The following SYNE2 variants were observed in gnomAD, a reference collection of about 807,000 sequenced individuals.
SYNE2 encodes the protein spectrin repeat containing nuclear envelope protein 2, also known as nesprin-2.
Under a neutral mutation model 856.3 loss-of-function variants are expected in SYNE2, and 431 were observed. That is an observed-to-expected ratio of 0.50 (90% confidence interval 0.47 to 0.55). The LOEUF is 0.55. Among genes scored for constraint, SYNE2 ranks in the 20% least tolerant of loss-of-function variants. The pLI, the probability that SYNE2 is intolerant of heterozygous loss-of-function variation, is 0.00. For synonymous variants in SYNE2, 2,923 were observed against 2,872.3 expected, an observed-to-expected ratio of 1.02 and a Z score of -0.56; for missense variants, 8,129 against 8,023.2, an observed-to-expected ratio of 1.01 and a Z score of -0.50.
intron 1 of SYNE2, among the ~76,000 whole-genome samples, chr14:63,798,446 T>G (rs1371159373): frequency 6.6e-6 from 1 of 150,810 alleles, no homozygotes; most frequent in African/African-American, 2.4e-5. Flanking sequence ...CAGGCTGGAA[T>G]GCAGTGGTAT....
At chr14:64,174,046 T>A (rs2153730407) in intron 94 of SYNE2, 11 of 580,608 alleles carry the variant, frequency 1.9e-5, no homozygotes, top group South Asian at 6.3e-5. Flanking sequence ...AAAATAAAAA[T>A]AAACAAGACC....
At position 63,998,989 on chromosome 14, in the gene SYNE2, T is replaced by C. The variant is rs752244351; in HGVS notation, c.3429T>C (p.Ser1143=). ...TCAGGATTACTTCTGATTTCTCTAG[T>C]GAAGAGGACAGGAGTAGTTCTTGTC... ...NKFRITSDFS[S]EEDRSSSCLQ... The change falls in exon 27 of 116, where the codon AGT becomes AGC. Residue 1143 remains serine (S), a synonymous_variant. Coordinates refer to ENST00000555002, the MANE Select transcript of SYNE2 (RefSeq NM_182914.3). 5.5e-5 allele frequency: 89 copies of C among 1,613,976 alleles called. No individual in the cohort carries two copies. Among genetic ancestry groups the C allele is most frequent in the Non-Finnish European group, 7.3e-5 (86 of 1,179,936 alleles).
At chr14:64,008,610 G>A (rs1369522030) in intron 31 of SYNE2, among the ~76,000 whole-genome samples, 1 of 152,132 alleles carries the variant, frequency 6.6e-6, no homozygotes, top group African/African-American at 2.4e-5. Context: ...TTGCTTGTGT[G>A]TCCAGTTGTC....
chr14:63,919,255 C>T (rs1403113221), intron 2 of SYNE2, among the ~76,000 whole-genome samples: 2 of 152,080 alleles, frequency 1.3e-5, no homozygotes, highest in Admixed American at 6.5e-5. Context: ...AGTACATCAG[C>T]GTATGGTAAA....
At chr14:63,932,857 G>A (rs1288792269) in intron 2 of SYNE2, among the ~76,000 whole-genome samples, 1 of 152,200 alleles carries the variant, frequency 6.6e-6, no homozygotes, top group Admixed American at 6.5e-5. Context: ...GTAGAGTGGC[G>A]ATGCAGAAAA....
chr14:63,804,587 G>A (rs1327238759), intron 1 of SYNE2, among the ~76,000 whole-genome samples: 2 of 151,982 alleles, frequency 1.3e-5, no homozygotes, highest in South Asian at 2.1e-4. Context: ...TTTGCCTCCC[G>A]GGTGCAAGCA....
At chr14:64,171,770 A>T (rs940837993) in intron 94 of SYNE2, among the ~76,000 whole-genome samples, 1 of 152,206 alleles carries the variant, frequency 6.6e-6, no homozygotes, top group East Asian at 1.9e-4. Flanking sequence ...TGGGTGTGGC[A>T]GCTGGATTAC....
At chr14:63,885,480 G>A (rs1239011395) in intron 1 of SYNE2, among the ~76,000 whole-genome samples, 1 of 152,156 alleles carries the variant, frequency 6.6e-6, no homozygotes, top group Non-Finnish European at 1.5e-5. Context: ...ATTGCCTGTT[G>A]CAGCCTCAAC....
At chr14:64,159,739 A>G (rs991323988) in intron 87 of SYNE2, among the ~76,000 whole-genome samples, 3 of 152,210 alleles carry the variant, frequency 2.0e-5, no homozygotes, top group African/African-American at 7.2e-5. Flanking sequence ...CGGAAACACC[A>G]AAGTCAGAGG....
chr14:63,847,674 C>A (rs1890273787), intron 1 of SYNE2, among the ~76,000 whole-genome samples: 2 of 151,278 alleles, frequency 1.3e-5, no homozygotes, highest in Admixed American at 1.3e-4. Flanking sequence ...CAACCTCTGC[C>A]TCCTGGGTTC....
intron 45 of SYNE2, chr14:64,034,516 C>A: frequency 1.9e-6 from 1 of 515,352 alleles, no homozygotes; most frequent in Non-Finnish European, 3.6e-6. Context: ...AATGTGATGG[C>A]AGTTTCCAAA....
At chr14:63,942,802 TG>T (rs1400967268) in intron 6 of SYNE2, among the ~76,000 whole-genome samples, 2 of 152,056 alleles carry the variant, frequency 1.3e-5, no homozygotes, top group Non-Finnish European at 2.9e-5. Flanking sequence ...GCCTAATTTT[TG>T]TATATTTTGT....
chr14:63,997,936 G>A (rs2096725592), intron 25 of SYNE2, among the ~76,000 whole-genome samples: 1 of 152,142 alleles, frequency 6.6e-6, no homozygotes, highest in African/African-American at 2.4e-5. Flanking sequence ...TGCATGGTAG[G>A]CTTCTGTCTA....
chr14:64,016,737 A>G, intron 33 of SYNE2, 106 bp downstream of exon 33: 2 of 808,568 alleles, frequency 2.5e-6, no homozygotes, highest in Non-Finnish European at 4.0e-6. Context: ...CATTGTAAAA[A>G]TGTTCAAATT....
chr14:63,764,467 C>T lies in SYNE2; in HGVS notation c.-305+2481C>T, dbSNP rs374309932. ...GGAGGACTGCTTGGGCCCAGGAGTT[C>T]GAGACCAGGCTGGGCAACATAGTGG... is the stretch of plus-strand genomic sequence containing the variant. On this transcript the variant is annotated intron_variant, in intron 1 of 23. Transcript: ENST00000674003. 4.9e-4 allele frequency among the ~76,000 whole-genome samples: 74 copies of T among 151,462 alleles called. No homozygotes were observed. The South Asian group carries it at 0.012, about 24-fold the overall frequency.
chr14:64,095,012 TA>T (rs757915213), intron 61 of SYNE2: 1 of 169,640 alleles, frequency 5.9e-6, no homozygotes, highest in African/African-American at 2.4e-5. Flanking sequence ...TATGTATTTG[TA>T]ATCTCTTTAA....
At chr14:63,840,097 C>T (rs759553142) in intron 1 of SYNE2, among the ~76,000 whole-genome samples, 15 of 152,114 alleles carry the variant, frequency 9.9e-5, no homozygotes, top group Non-Finnish European at 1.6e-4. Flanking sequence ...GGTGAAACCT[C>T]CTCTCTACCA....
intron 1 of SYNE2, among the ~76,000 whole-genome samples, chr14:63,776,368 G>A (rs1595099179): frequency 6.6e-6 from 1 of 152,080 alleles, no homozygotes; most frequent in Non-Finnish European, 1.5e-5. Flanking sequence ...ACATTTCTCA[G>A]CACAAATCTC....
In SYNE2 at chr14:64,188,660, A is replaced by G. The variant is rs766073729; in HGVS notation, c.17823A>G (p.Leu5941=). The change falls in exon 98 of 116, where the codon CTA becomes CTG. Residue 5941 remains leucine (L), a synonymous_variant. Transcript: ENST00000555002. The part of the protein sequence containing the change: ...AWLVQMENKV[L]QTADISIEEM... ...TGGTGCAGATGGAAAACAAAGTTCT[A>G]CAGACAGCGGACATTAGTATTGAAG... The G allele has an allele frequency of 4.3e-6, 7 of 1,614,246 alleles. No individual in the cohort carries two copies. Among genetic ancestry groups the G allele is most frequent in the Non-Finnish European group, 5.9e-6 (7 of 1,180,048 alleles).
Sources: gnomAD v4.1 joint callset for allele counts (sites outside exome capture counted in the v4.1 genomes callset) on GRCh38, gnomAD v4.1.1 for gene constraint, MANE v1.5 for transcripts, NCBI Gene and HGNC (gene_info 2026-07-23, HGNC 2026-07-21) for gene names.